NEGR1: variants seen among roughly 807,000 people sequenced by gnomAD.
NEGR1 encodes IgLON family member 4.
In NEGR1, 10 loss-of-function variants were observed where a neutral mutation model predicts 40.9. The ratio of observed to expected loss-of-function variants is 0.24; its 90% confidence interval spans 0.15 to 0.42. The LOEUF is 0.42. Ranked by LOEUF, NEGR1 falls within the 10% of genes least tolerant of loss-of-function variation. NEGR1 has a pLI of 1.00. For missense variants in NEGR1, 352 were observed against 438.9 expected (o/e 0.80, Z 1.77); for synonymous variants, 185 against 166.8 (o/e 1.11, Z -0.84).
At chr1:71,951,910 C>T (rs1008750145) in intron 1 of NEGR1, among the ~76,000 whole-genome samples, 4 of 151,664 alleles carry the variant, frequency 2.6e-5, no homozygotes, top group Admixed American at 1.3e-4. Context: ...TTTGATGTTA[C>T]CATTATAATT....
intron 3 of NEGR1, among the ~76,000 whole-genome samples, chr1:71,759,287 CTTTTTTTTTT>C (rs759687500): frequency 2.6e-4 from 22 of 85,210 alleles, no homozygotes; most frequent in African/African-American, 7.2e-4. Context: ...AAGATTATAA[CTTTTTTTTTT>C]TTTTTTTTTT....
intron 1 of NEGR1, among the ~76,000 whole-genome samples, chr1:72,128,636 T>C (rs911527411): frequency 6.6e-6 from 1 of 152,182 alleles, no homozygotes; most frequent in Non-Finnish European, 1.5e-5. Context: ...ATAAATGTAT[T>C]ATATTAATTT....
chr1:71,613,157 G>A (rs1650320342), intron 4 of NEGR1, among the ~76,000 whole-genome samples: 1 of 152,160 alleles, frequency 6.6e-6, no homozygotes, highest in African/African-American at 2.4e-5. Flanking sequence ...ATGAAGGTGG[G>A]TGGCTCACTC....
intron 2 of NEGR1, among the ~76,000 whole-genome samples, chr1:71,799,034 G>A (rs956902348): frequency 3.3e-5 from 5 of 150,336 alleles, no homozygotes; most frequent in East Asian, 3.9e-4. Flanking sequence ...AAAAGATCTT[G>A]TATTGAATGG....
intron 4 of NEGR1, among the ~76,000 whole-genome samples, chr1:71,681,908 C>G (rs1025620369): frequency 6.6e-6 from 1 of 152,154 alleles, no homozygotes; most frequent in Admixed American, 6.5e-5. Context: ...CTCACTGCAA[C>G]TTTCACCTCC....
intron 2 of NEGR1, among the ~76,000 whole-genome samples, chr1:71,801,728 T>C (rs1163351836): frequency 2.0e-5 from 3 of 152,184 alleles, no homozygotes; most frequent in East Asian, 3.9e-4. Flanking sequence ...ACAGAAGTCA[T>C]AGTAATTCTA....
chr1:72,241,431 T>A (rs1270007325), intron 1 of NEGR1, among the ~76,000 whole-genome samples: 1 of 151,638 alleles, frequency 6.6e-6, no homozygotes, highest in Non-Finnish European at 1.5e-5. Flanking sequence ...TTTGTTTTTT[T>A]CTTTTGACCA....
intron 1 of NEGR1, among the ~76,000 whole-genome samples, chr1:72,281,618 A>T (rs546346593): frequency 2.0e-5 from 3 of 152,102 alleles, no homozygotes; most frequent in Non-Finnish European, 4.4e-5. Context: ...AAAAGAAAAA[A>T]GGGTAAAAGA....
At chr1:72,199,660 A>T (rs894473907) in intron 1 of NEGR1, among the ~76,000 whole-genome samples, 15 of 152,032 alleles carry the variant, frequency 9.9e-5, no homozygotes, top group Non-Finnish European at 5.9e-5. Flanking sequence ...TTAAAAACAA[A>T]TCTATGAAAT....
intron 6 of NEGR1, among the ~76,000 whole-genome samples, chr1:71,566,405 T>C (rs1648620817): frequency 1.3e-5 from 2 of 152,210 alleles, no homozygotes; most frequent in Admixed American, 1.3e-4. Flanking sequence ...AATAAAATTC[T>C]TAGCTAGCTT....
At chr1:72,092,145 T>A (rs369675142) in intron 1 of NEGR1, among the ~76,000 whole-genome samples, 24 of 152,254 alleles carry the variant, frequency 1.6e-4, no homozygotes, top group Middle Eastern at 3.4e-3. Flanking sequence ...CTGTTTTGCA[T>A]AATAAAATTG....
rs149870515 is a variant in NEGR1, at chr1:72,071,350, T to G, written c.177-136039A>C. ...TCTACTAATTCTACCAATATTGCCA[T>G]TAATTTGAATATATATTCCAGCCTA... On this transcript the variant is annotated intron_variant, in intron 1 of 6. Coordinates refer to ENST00000357731, the MANE Select transcript of NEGR1 (RefSeq NM_173808.3). 2.4e-3 allele frequency among the ~76,000 whole-genome samples: 363 copies of G among 152,230 alleles called. 2 individuals are homozygous for G. Among genetic ancestry groups the G allele is most frequent in the African/African-American group, 8.3e-3 (347 of 41,570 alleles).
chr1:71,589,988 T>C (rs1649444516), intron 6 of NEGR1, among the ~76,000 whole-genome samples: 1 of 152,130 alleles, frequency 6.6e-6, no homozygotes, highest in African/African-American at 2.4e-5. Flanking sequence ...AAAGTACTAT[T>C]GTGTCTTCAA....
intron 2 of NEGR1, among the ~76,000 whole-genome samples, chr1:71,873,886 C>T (rs1027620398): frequency 6.6e-6 from 1 of 152,110 alleles, no homozygotes; most frequent in Admixed American, 6.6e-5. Context: ...GGGCTTTGAA[C>T]ATAATCCAAG....
intron 2 of NEGR1, among the ~76,000 whole-genome samples, chr1:71,931,186 T>C (rs1557441162): frequency 6.6e-6 from 1 of 152,192 alleles, no homozygotes; most frequent in Non-Finnish European, 1.5e-5. Flanking sequence ...AGAAGTTATT[T>C]TGATTATAGA....
intron 1 of NEGR1, among the ~76,000 whole-genome samples, chr1:72,023,243 G>T (rs2100424022): frequency 6.6e-6 from 1 of 152,174 alleles, no homozygotes; most frequent in Non-Finnish European, 1.5e-5. Context: ...TATTGTTGTG[G>T]CAGTGGTGAT....
intron 1 of NEGR1, among the ~76,000 whole-genome samples, chr1:72,207,720 A>C (rs1404513231): frequency 6.6e-6 from 1 of 151,778 alleles, no homozygotes; most frequent in Admixed American, 6.6e-5. Context: ...CATCGTGCTC[A>C]GTATCTGGCT....
intron 1 of NEGR1, among the ~76,000 whole-genome samples, chr1:72,243,111 C>T (rs1290384325): frequency 6.6e-6 from 1 of 151,366 alleles, no homozygotes; most frequent in Non-Finnish European, 1.5e-5. Context: ...TAATTATGGT[C>T]TTCATAATAT....
At position 71,409,016 on chromosome 1, in the gene NEGR1, G is replaced by T. The variant is rs1646298678; in HGVS notation, c.941-1446C>A. On this transcript the variant is annotated intron_variant, in intron 6 of 6. Coordinates refer to ENST00000357731, the MANE Select transcript of NEGR1 (RefSeq NM_173808.3). ...CAATGCAATTATTGATTCCAGGTGAGTGGGATTTGAACACTGAGACTACTA... is the reference window on the plus strand; with the variant it reads ...CAATGCAATTATTGATTCCAGGTGATTGGGATTTGAACACTGAGACTACTA... 3 of 152,044 alleles carry T rather than the reference G, an allele frequency of 2.0e-5. No individual in the cohort carries two copies. The South Asian group carries it at 6.2e-4, about 32-fold the overall frequency. 9.4% of individuals were successfully genotyped at this position (152,044 alleles called of 1,614,324 possible). A position where few individuals can be genotyped will look rare whatever the true frequency, so the allele number is the denominator to read the frequency against.
Sources: allele counts gnomAD v4.1 joint callset (sites outside exome capture counted in the v4.1 genomes callset), GRCh38; gene constraint gnomAD v4.1.1; transcripts MANE v1.5; gene names NCBI Gene and HGNC (gene_info 2026-07-23, HGNC 2026-07-21).